The following ZNF490 variants were observed in gnomAD, a reference collection of about 807,000 sequenced individuals.
The protein encoded by ZNF490 is zinc finger protein 490.
Under a neutral mutation model 17.7 loss-of-function variants are expected in ZNF490, and 11 were observed. The observed-to-expected ratio is 0.62, with a 90% CI of 0.39 to 1.03. ZNF490 has a LOEUF of 1.03. Ranked by LOEUF, ZNF490 falls within the 50% of genes least tolerant of loss-of-function variation. The pLI, the probability that ZNF490 is intolerant of heterozygous loss-of-function variation, is 0.00. For synonymous variants in ZNF490, 222 were observed against 216.1 expected (o/e 1.03, Z -0.24); for missense variants, 542 against 643.4 (o/e 0.84, Z 1.71).
At chr19:12,594,507 A>G (rs190040462) in intron 2 of ZNF490, among the ~76,000 whole-genome samples, 1 of 152,152 alleles carries the variant, frequency 6.6e-6, no homozygotes, top group Admixed American at 6.6e-5. Flanking sequence ...GAGCATCTAT[A>G]GTGCTCTGGA....
chr19:12,598,461 G>A lies in ZNF490; in HGVS notation c.162+10697C>T, dbSNP rs184798381. Among the ~76,000 whole-genome samples, 1,123 of 149,858 alleles carry A rather than the reference G, an allele frequency of 7.5e-3. 15 individuals are homozygous for A. The highest frequency in any genetic ancestry group is 0.037 in the Admixed American group (550 of 15,028). ...GTGATCTCCGCTCACCGCAACCTCC[G>A]CCTCCCGGGTTCAAGCGATTCTCCC... On this transcript the variant is annotated intron_variant, in intron 2 of 4. Coordinates refer to ENST00000311437, the MANE Select transcript of ZNF490 (RefSeq NM_020714.3).
intron 2 of ZNF490, among the ~76,000 whole-genome samples, chr19:12,589,627 G>A (rs1599307952): frequency 1.4e-5 from 2 of 148,060 alleles, no homozygotes; most frequent in South Asian, 4.3e-4. Context: ...GAGTATATTG[G>A]CTATTCAGAG....
intron 2 of ZNF490, among the ~76,000 whole-genome samples, chr19:12,600,190 G>C (rs530620399): frequency 6.6e-6 from 1 of 151,578 alleles, no homozygotes; most frequent in African/African-American, 2.4e-5. Context: ...GTGAAACCCC[G>C]TCTCTACTAA....
Position 12,580,187 on chromosome 19 carries a change from A to G in ZNF490, c.*298T>C. Reference sequence around the variant, plus strand: ...TTTCTTTATAGTTTCTCTCCAGTATATATTCTCAGGTGTCTTTAAAAGATT... The same window carrying G: ...TTTCTTTATAGTTTCTCTCCAGTATGTATTCTCAGGTGTCTTTAAAAGATT... On this transcript the variant is annotated 3_prime_UTR_variant, in exon 5 of 5. Transcript: ENST00000311437. 2 of 1,127,804 alleles carry G rather than the reference A, an allele frequency of 1.8e-6. No individual in the cohort carries two copies. Among genetic ancestry groups the G allele is most frequent in the Non-Finnish European group, 2.2e-6 (2 of 920,032 alleles). 69.9% of individuals were successfully genotyped at this position (1,127,804 alleles called of 1,614,324 possible).
intron 2 of ZNF490, among the ~76,000 whole-genome samples, chr19:12,583,791 C>CTCTATATATATA (rs1315571249): frequency 4.4e-5 from 3 of 68,138 alleles, no homozygotes; most frequent in Non-Finnish European, 2.5e-5. Flanking sequence ...CTCTCTCTCT[C>CTCTATATATATA]TATATATATA....
At position 12,577,760 on chromosome 19, in the gene ZNF490, G is replaced by C. The variant is rs1221188127; in HGVS notation, c.*2725C>G. Reference sequence around the variant, plus strand: ...CCAGAGGCCTAAAGAGTTCCGACCCGAGCGACACAAAGATCACTTCTGGGA... The same window carrying C: ...CCAGAGGCCTAAAGAGTTCCGACCCCAGCGACACAAAGATCACTTCTGGGA... On this transcript the variant is annotated 3_prime_UTR_variant, in exon 5 of 5. Transcript: ENST00000311437. The C allele has an allele frequency of 1.0e-6, 1 of 985,466 alleles. No individual in the cohort carries two copies. Among genetic ancestry groups the C allele is most frequent in the African/African-American group, 1.7e-5 (1 of 57,340 alleles). 61.0% of individuals were successfully genotyped at this position (985,466 alleles called of 1,614,324 possible).
Position 12,578,195 on chromosome 19 carries a change from A to G in ZNF490, c.*2290T>C. 1.0e-6 allele frequency: 1 copy of G among 985,514 alleles called. No individual in the cohort carries two copies. The highest frequency in any genetic ancestry group is 1.2e-6 in the Non-Finnish European group (1 of 829,982). 61.0% of individuals were successfully genotyped at this position (985,514 alleles called of 1,614,324 possible). A position where few individuals can be genotyped will look rare whatever the true frequency, so the allele number is the denominator to read the frequency against. On this transcript the variant is annotated 3_prime_UTR_variant, in exon 5 of 5. Coordinates refer to ENST00000311437, the MANE Select transcript of ZNF490 (RefSeq NM_020714.3). ...ACTGACGTGAGAAGGCCGGAGCATC[A>G]TCAGTGCATATGCCGCTGAATATCT...
chr19:12,601,806 C>T (rs951774244), intron 2 of ZNF490, among the ~76,000 whole-genome samples: 37 of 151,776 alleles, frequency 2.4e-4, no homozygotes, highest in Admixed American at 8.6e-4. Context: ...TCCTGGCTAA[C>T]ATGGTGAAAC....
chr19:12,583,807 ATATATTTTTT>A (rs1443387631), intron 2 of ZNF490, among the ~76,000 whole-genome samples: 5 of 112,412 alleles, frequency 4.4e-5, no homozygotes, highest in African/African-American at 1.5e-4. Context: ...ATATATATAT[ATATATTTTTT>A]TTTTTTTTTT....
At chr19:12,595,191 G>C (rs1238283026) in intron 2 of ZNF490, among the ~76,000 whole-genome samples, 1 of 151,892 alleles carries the variant, frequency 6.6e-6, no homozygotes, top group East Asian at 1.9e-4. Context: ...GTCCCTGCTG[G>C]AGTGCAAGGG....
chr19:12,609,895 G>T (rs1487206531), intron 1 of ZNF490: 1 of 454,092 alleles, frequency 2.2e-6, no homozygotes, highest in Non-Finnish European at 4.4e-6. Context: ...TACACTCTTT[G>T]GGTGATGGGT....
chr19:12,598,101 G>A, intron 2 of ZNF490, among the ~76,000 whole-genome samples: 1 of 151,892 alleles, frequency 6.6e-6, no homozygotes, highest in East Asian at 2.0e-4. Flanking sequence ...GCACGCGCCT[G>A]TAATCCCAGC....
chr19:12,600,409 T>C (rs1281710484), intron 2 of ZNF490, among the ~76,000 whole-genome samples: 1 of 151,796 alleles, frequency 6.6e-6, no homozygotes, highest in African/African-American at 2.4e-5. Context: ...ACAGTAATAG[T>C]ATACTAATGT....
intron 2 of ZNF490, chr19:12,597,183 C>T (rs934175429): frequency 2.2e-6 from 1 of 458,548 alleles, no homozygotes; most frequent in African/African-American, 2.0e-5. Context: ...AGGAGTCCTC[C>T]CTACGGATCC....
intron 2 of ZNF490, among the ~76,000 whole-genome samples, chr19:12,600,100 C>T (rs754794219): frequency 6.6e-6 from 1 of 152,100 alleles, no homozygotes; most frequent in Non-Finnish European, 1.5e-5. Context: ...CCGTGGCTCA[C>T]GCCTGTAATC....
intron 1 of ZNF490, among the ~76,000 whole-genome samples, 179 bp downstream of exon 1, chr19:12,610,385 T>A (rs533522809): frequency 6.6e-6 from 1 of 151,462 alleles, no homozygotes; most frequent in African/African-American, 2.4e-5. Context: ...GGGTTCCTTT[T>A]CTAAAGTGCC....
Position 12,585,155 on chromosome 19 carries a change from G to A in ZNF490, c.163-1599C>T, listed in dbSNP as rs1387950795. ...GAGGCTGATGCGAATTGGCTCTGTCGCCAGCACCAAATGAGGGTGACCCAG... is the reference window on the plus strand; with the variant it reads ...GAGGCTGATGCGAATTGGCTCTGTCACCAGCACCAAATGAGGGTGACCCAG... On this transcript the variant is annotated intron_variant, in intron 2 of 4. Coordinates refer to ENST00000311437, the MANE Select transcript of ZNF490 (RefSeq NM_020714.3). Among the ~76,000 whole-genome samples the A allele has an allele frequency of 1.7e-4, 16 of 93,622 alleles. 4 individuals are homozygous for A. The highest frequency in any genetic ancestry group is 1.5e-3 in the Admixed American group (15 of 9,952). The allele number at this position is 93,622 out of a possible 152,430, so 61.4% of individuals were successfully genotyped here. A position where few individuals can be genotyped will look rare whatever the true frequency, so the allele number is the denominator to read the frequency against.
chr19:12,608,434 A>AT (rs1184142179), intron 2 of ZNF490, among the ~76,000 whole-genome samples: 2 of 148,432 alleles, frequency 1.3e-5, no homozygotes, highest in Non-Finnish European at 3.0e-5. Flanking sequence ...TGCCCAGCTA[A>AT]TTTTTTATCT....
intron 2 of ZNF490, among the ~76,000 whole-genome samples, chr19:12,590,431 G>A (rs151026074): frequency 1.3e-5 from 2 of 151,116 alleles, no homozygotes; most frequent in South Asian, 4.2e-4. Context: ...TGGCCAGGCT[G>A]GTCCTGAACT....
Sources: gnomAD v4.1 joint callset for allele counts (sites outside exome capture counted in the v4.1 genomes callset) on GRCh38, gnomAD v4.1.1 for gene constraint, MANE v1.5 for transcripts, NCBI Gene and HGNC (gene_info 2026-07-23, HGNC 2026-07-21) for gene names.